UMAD1: variants seen among roughly 807,000 people sequenced by gnomAD.
UMAD1 encodes UBAP1-MVB12-associated (UMA) domain containing 1.
Under a neutral mutation model 6.1 loss-of-function variants are expected in UMAD1, and 8 were observed. The observed-to-expected ratio is 1.30, with a 90% confidence interval of 0.76 to 2.35. UMAD1 has a LOEUF of 2.35. UMAD1 is among the 30% of genes most tolerant of loss of function. The pLI is 0.00. For synonymous variants in UMAD1, 56 were observed against 31.4 expected, an observed-to-expected ratio of 1.78 and a Z score of -2.61; for missense variants, 130 against 78.4, an observed-to-expected ratio of 1.66 and a Z score of -2.49.
chr7:7,809,975 C>T (rs1405737697), intron 3 of UMAD1, among the ~76,000 whole-genome samples: 2 of 151,934 alleles, frequency 1.3e-5, no homozygotes, highest in Non-Finnish European at 2.9e-5. Flanking sequence ...AATAAGATTA[C>T]TGCATTAAAA....
At chr7:7,844,854 A>G (rs964489106) in intron 3 of UMAD1, among the ~76,000 whole-genome samples, 2 of 152,182 alleles carry the variant, frequency 1.3e-5, no homozygotes, top group Non-Finnish European at 2.9e-5. Flanking sequence ...TACAGCCTTT[A>G]TGCTTCTAAA....
intron 2 of UMAD1, among the ~76,000 whole-genome samples, chr7:7,680,767 T>C (rs900031527): frequency 6.6e-6 from 1 of 152,144 alleles, no homozygotes; most frequent in Non-Finnish European, 1.5e-5. Context: ...TCACTTTGGT[T>C]ATATTTATTC....
chr7:7,744,865 G>A (rs1781541195), intron 2 of UMAD1, among the ~76,000 whole-genome samples: 1 of 152,036 alleles, frequency 6.6e-6, no homozygotes, highest in African/African-American at 2.4e-5. Context: ...TTCCCATTCT[G>A]TAGGTTGTCT....
At chr7:7,773,266 A>G (rs939841468) in intron 2 of UMAD1, among the ~76,000 whole-genome samples, 3 of 152,236 alleles carry the variant, frequency 2.0e-5, no homozygotes, top group South Asian at 4.1e-4. Flanking sequence ...AAGTTGCAAC[A>G]TTAGGGGATC....
chr7:7,842,216 C>T (rs982081097), intron 3 of UMAD1, among the ~76,000 whole-genome samples: 3 of 152,124 alleles, frequency 2.0e-5, no homozygotes, highest in African/African-American at 7.2e-5. Flanking sequence ...CTGTGAGCCC[C>T]AGTTCTTTCT....
At chr7:7,694,787 T>C (rs1319880159) in intron 2 of UMAD1, among the ~76,000 whole-genome samples, 4 of 152,222 alleles carry the variant, frequency 2.6e-5, no homozygotes, top group African/African-American at 9.6e-5. Flanking sequence ...CATTCATCTT[T>C]TGATAGATAC....
At chr7:7,758,010 GTTTA>G (rs1214380710) in intron 2 of UMAD1, among the ~76,000 whole-genome samples, 4 of 151,972 alleles carry the variant, frequency 2.6e-5, no homozygotes, top group Non-Finnish European at 4.4e-5. Context: ...CTGGGATGTG[GTTTA>G]TTTAAGATTT....
intron 2 of UMAD1, among the ~76,000 whole-genome samples, chr7:7,739,981 T>C (rs1347141794): frequency 6.6e-6 from 1 of 152,218 alleles, no homozygotes; most frequent in East Asian, 1.9e-4. Context: ...GAAGGCAGCT[T>C]AAATAAGTCA....
chr7:7,816,361 A>C (rs1279018746), intron 3 of UMAD1, among the ~76,000 whole-genome samples: 1 of 152,228 alleles, frequency 6.6e-6, no homozygotes, highest in Non-Finnish European at 1.5e-5. Flanking sequence ...TGTGAGGTCC[A>C]CAATAACTAT....
chr7:7,680,172 C>T (rs1287000920), intron 2 of UMAD1, among the ~76,000 whole-genome samples: 1 of 152,032 alleles, frequency 6.6e-6, no homozygotes, highest in Non-Finnish European at 1.5e-5. Context: ...TTCGTAGTTT[C>T]AGGTCTTAGA....
At chr7:7,666,797 T>A (rs1363748489) in intron 1 of UMAD1, among the ~76,000 whole-genome samples, 4 of 152,044 alleles carry the variant, frequency 2.6e-5, no homozygotes, top group African/African-American at 7.3e-5. Context: ...TTTGGACAGA[T>A]GAATTTATTT....
chr7:7,671,207 G>C (rs971017340), intron 1 of UMAD1, among the ~76,000 whole-genome samples: 4 of 152,142 alleles, frequency 2.6e-5, no homozygotes, highest in Admixed American at 6.5e-5. Flanking sequence ...AGTCAGCTTC[G>C]TGTGTCAATA....
intron 2 of UMAD1, among the ~76,000 whole-genome samples, chr7:7,762,592 C>T (rs1157707119): frequency 1.3e-5 from 2 of 152,188 alleles, no homozygotes; most frequent in Non-Finnish European, 2.9e-5. Flanking sequence ...TCGTTTGCTT[C>T]TGCCCTTCAA....
intron 2 of UMAD1, among the ~76,000 whole-genome samples, chr7:7,797,433 T>G (rs1423593525): frequency 6.6e-6 from 1 of 152,052 alleles, no homozygotes; most frequent in Non-Finnish European, 1.5e-5. Flanking sequence ...CATTAAGGAG[T>G]GGGAACCAAG....
chr7:7,856,246 A>G (rs1784014705), intron 3 of UMAD1, among the ~76,000 whole-genome samples: 1 of 152,212 alleles, frequency 6.6e-6, no homozygotes, highest in Non-Finnish European at 1.5e-5. Context: ...TCACATTGTT[A>G]TAAGGAAATA....
chr7:7,844,327 G>T (rs1444139024), intron 3 of UMAD1, among the ~76,000 whole-genome samples: 2 of 151,952 alleles, frequency 1.3e-5, no homozygotes, highest in Non-Finnish European at 2.9e-5. Flanking sequence ...CAGCCTCTTT[G>T]CCGCAGACTT....
intron 2 of UMAD1, among the ~76,000 whole-genome samples, chr7:7,767,114 C>G (rs550293958): frequency 1.1e-4 from 15 of 138,566 alleles, no homozygotes; most frequent in Admixed American, 9.4e-4. Context: ...GTGAGCATTT[C>G]AAGAAATTAA....
rs182958263 is a variant in UMAD1 at position 7,736,524 on chromosome 7, T to G, written c.82+63071T>G. On this transcript the variant is annotated intron_variant, in intron 2 of 3. Transcript: ENST00000682710. ...GATTCAGTCGTCTTTATTTATTTGA[T>G]TCCAGTGTGCTCTTCAAATGATCTC... 255 of 152,364 alleles carry G rather than the reference T, an allele frequency of 1.7e-3. 2 individuals carry two copies. The highest frequency in any genetic ancestry group is 5.7e-3 in the African/African-American group (235 of 41,578). The allele number at this position is 152,364 out of a possible 1,614,324, so 9.4% of individuals were successfully genotyped here.
At chr7:7,658,934 C>T (rs1371098389) in intron 1 of UMAD1, among the ~76,000 whole-genome samples, 2 of 152,108 alleles carry the variant, frequency 1.3e-5, no homozygotes, top group African/African-American at 4.8e-5. Context: ...CCATCTGTTC[C>T]TGGACTTTTT....
Sources: gnomAD v4.1 joint callset for allele counts (sites outside exome capture counted in the v4.1 genomes callset) on GRCh38, gnomAD v4.1.1 for gene constraint, MANE v1.5 for transcripts, NCBI Gene and HGNC (gene_info 2026-07-23, HGNC 2026-07-21) for gene names.